FABP12: variants seen among roughly 807,000 people sequenced by gnomAD.
FABP12 encodes fatty acid binding protein 12.
In FABP12, 19 loss-of-function variants were observed where a neutral mutation model predicts 13.7. That is an observed-to-expected ratio of 1.39 (90% CI 0.97 to 2.04). The LOEUF (loss-of-function observed/expected upper bound fraction) is 2.04. FABP12 is among the 30% of genes most tolerant of loss of function. FABP12 has a pLI of 0.00. For synonymous variants in FABP12, 61 were observed against 57.0 expected, an observed-to-expected ratio of 1.07 and a Z score of -0.32; for missense variants, 182 against 164.2, an observed-to-expected ratio of 1.11 and a Z score of -0.59.
rs1309075983 is a variant in FABP12, at chr8:81,579,412, GA to G, written c.-185+10640del. 3.9e-5 allele frequency among the ~76,000 whole-genome samples: 6 copies of G among 152,098 alleles called. No homozygotes were observed. In the East Asian group the frequency reaches 9.6e-4, roughly 24 times the overall value. On this transcript the variant is annotated intron_variant, in intron 1 of 5. Coordinates refer to the FABP12 transcript ENST00000692030. ...GGAAAAAGAAACAATCTCTATGAAA[GA>G]GTTTCAAATAAAAATATGTAGGTGC...
chr8:81,532,770 A>G (rs1809109186), intron 1 of FABP12, among the ~76,000 whole-genome samples: 1 of 152,194 alleles, frequency 6.6e-6, no homozygotes, highest in South Asian at 2.1e-4. Flanking sequence ...GCAGTGAGCC[A>G]AGATCGTGCC....
chr8:81,529,079 G>T (rs893945455), intron 3 of FABP12, among the ~76,000 whole-genome samples: 3 of 152,156 alleles, frequency 2.0e-5, no homozygotes, highest in Non-Finnish European at 1.5e-5. Flanking sequence ...CTAATACGAG[G>T]TTTATTCACT....
chr8:81,540,229 G>T (rs903733812), intron 1 of FABP12, among the ~76,000 whole-genome samples: 7 of 152,188 alleles, frequency 4.6e-5, no homozygotes, highest in African/African-American at 1.7e-4. Flanking sequence ...ACTGAAAAAA[G>T]AGCATAGTTT....
intron 1 of FABP12, among the ~76,000 whole-genome samples, chr8:81,581,986 GA>G (rs1240393847): frequency 6.8e-6 from 1 of 147,164 alleles, no homozygotes; most frequent in African/African-American, 2.5e-5. Flanking sequence ...AGGAGAGAAA[GA>G]AAAAAACAAA....
chr8:81,575,645 C>T (rs532335592), intron 1 of FABP12, among the ~76,000 whole-genome samples: 1 of 152,234 alleles, frequency 6.6e-6, no homozygotes, highest in East Asian at 1.9e-4. Flanking sequence ...CCAGTGTTAG[C>T]TGTATATATG....
At chr8:81,563,013 G>C (rs763403239) in intron 1 of FABP12, among the ~76,000 whole-genome samples, 5 of 152,228 alleles carry the variant, frequency 3.3e-5, no homozygotes, top group Admixed American at 6.5e-5. Context: ...ACCCAGCACA[G>C]ACCCAGTGGG....
intron 1 of FABP12, among the ~76,000 whole-genome samples, chr8:81,569,835 C>T (rs1033328304): frequency 6.6e-6 from 1 of 152,174 alleles, no homozygotes; most frequent in East Asian, 1.9e-4. Flanking sequence ...TGGGGTGTTG[C>T]TTTTCTGGCC....
At chr8:81,527,271 G>A in intron 3 of FABP12, 150 bp from the exon 4 acceptor site, 1 of 476,954 alleles carries the variant, frequency 2.1e-6, no homozygotes, top group Non-Finnish European at 3.7e-6. Flanking sequence ...GACTTTGTCA[G>A]CAGTAAAATT....
intron 1 of FABP12, among the ~76,000 whole-genome samples, chr8:81,566,819 C>G (rs372843192): frequency 2.0e-5 from 3 of 151,832 alleles, no homozygotes; most frequent in African/African-American, 7.3e-5. Flanking sequence ...AGCAATCAGA[C>G]GGGAGAAAGA....
At chr8:81,564,509 C>CA (rs557459361) in intron 1 of FABP12, among the ~76,000 whole-genome samples, 153 of 151,930 alleles carry the variant, frequency 1.0e-3, no homozygotes, top group African/African-American at 3.6e-3. Context: ...CAATAAGATA[C>CA]AAATAAAAAC....
upstream of FABP12, among the ~76,000 whole-genome samples, chr8:81,534,483 T>A (rs1277206125): frequency 6.6e-6 from 1 of 152,182 alleles, no homozygotes; most frequent in Non-Finnish European, 1.5e-5. Flanking sequence ...GTTGCCTCAA[T>A]CATTACCAAC....
upstream of FABP12, among the ~76,000 whole-genome samples, chr8:81,535,629 A>G (rs1809202384): frequency 6.6e-6 from 1 of 152,202 alleles, no homozygotes; most frequent in Non-Finnish European, 1.5e-5. Context: ...CACTCTGTGA[A>G]TCGACAATAA....
chr8:81,575,246 A>T (rs1018671414), intron 1 of FABP12, among the ~76,000 whole-genome samples: 5 of 152,128 alleles, frequency 3.3e-5, no homozygotes, highest in African/African-American at 1.2e-4. Flanking sequence ...TTGAATTTCC[A>T]TGTATTTGAA....
chr8:81,547,393 G>C (rs1261183096), intron 1 of FABP12, among the ~76,000 whole-genome samples: 1 of 152,174 alleles, frequency 6.6e-6, no homozygotes, highest in African/African-American at 2.4e-5. Flanking sequence ...AATTAAGCAT[G>C]TTATTGCAAG....
chr8:81,542,785 T>G (rs1227001994), intron 1 of FABP12, among the ~76,000 whole-genome samples: 2 of 152,246 alleles, frequency 1.3e-5, no homozygotes, highest in African/African-American at 4.8e-5. Flanking sequence ...CTAATCTTGT[T>G]GCTGATGAAC....
Position 81,581,672 on chromosome 8 carries a change from A to T in FABP12, c.-185+8381T>A, listed in dbSNP as rs1303122290. The stretch of plus-strand genomic sequence containing the variant: ...ACAAGATTGGAAAGAATGAGATAAT[A>T]TATTCAAAATGCTGAAAGAAAAAGA... On this transcript the variant is annotated intron_variant, in intron 1 of 5. Coordinates refer to the FABP12 transcript ENST00000692030. Among the ~76,000 whole-genome samples the T allele has an allele frequency of 3.9e-5, 6 of 152,382 alleles. No homozygotes were observed. In the South Asian group the frequency reaches 1.2e-3, roughly 32 times the overall value.
chr8:81,539,607 C>T (rs1264097111), intron 2 of FABP12, among the ~76,000 whole-genome samples: 1 of 152,092 alleles, frequency 6.6e-6, no homozygotes, highest in Non-Finnish European at 1.5e-5. Flanking sequence ...GCATGCTATG[C>T]GATGCCTTAC....
At chr8:81,586,337 A>G (rs1232615049) in intron 1 of FABP12, among the ~76,000 whole-genome samples, 1 of 152,202 alleles carries the variant, frequency 6.6e-6, no homozygotes, top group African/African-American at 2.4e-5. Flanking sequence ...AGAACAATTT[A>G]TATTCCTTTA....
rs1429660287 is a variant in FABP12 at position 81,531,113 on chromosome 8, A to G, written c.73+130T>C. On this transcript the variant is annotated intron_variant, in intron 2 of 4. Coordinates refer to ENST00000360464, the Ensembl canonical transcript of FABP12. ...GCACAGAACTATATCCTGGTACTCAATCAATATTTATTTTTTCCTATGTGA... is the reference window on the plus strand; with the variant it reads ...GCACAGAACTATATCCTGGTACTCAGTCAATATTTATTTTTTCCTATGTGA... 8.9e-6 allele frequency: 6 copies of G among 676,018 alleles called. No individual in the cohort carries two copies. In the East Asian group the frequency reaches 1.4e-4, roughly 16 times the overall value. The allele number at this position is 676,018 out of a possible 1,614,324, so 41.9% of individuals were successfully genotyped here.
Sources: gnomAD v4.1 joint callset for allele counts (sites outside exome capture counted in the v4.1 genomes callset) on GRCh38, gnomAD v4.1.1 for gene constraint, MANE v1.5 for transcripts, NCBI Gene and HGNC (gene_info 2026-07-23, HGNC 2026-07-21) for gene names.